Variants in SGCZ observed in about 807,000 individuals in gnomAD.
SGCZ encodes sarcoglycan zeta, also known as zeta-sarcoglycan.
A neutral mutation model predicts 41.3 loss-of-function variants in SGCZ; 40 were observed. The ratio of observed to expected loss-of-function variants is 0.97; its 90% CI spans 0.75 to 1.26. The LOEUF (loss-of-function observed/expected upper bound fraction) is 1.26, where lower values mean the gene tolerates loss of function less well. Ranked by LOEUF, SGCZ falls within the 50% of genes most tolerant of loss-of-function variation. The pLI is 0.00. For missense variants in SGCZ, 552 were observed against 369.8 expected, an observed-to-expected ratio of 1.49 and a Z score of -4.04; for synonymous variants, 206 against 137.5, an observed-to-expected ratio of 1.50 and a Z score of -3.49.
At position 14,547,926 on chromosome 8, in the gene SGCZ, ATG is replaced by A. The variant is rs527693472; in HGVS notation, c.234+6804_234+6805del. Among the ~76,000 whole-genome samples the A allele has an allele frequency of 8.4e-4, 128 of 152,278 alleles. No homozygotes were observed. The East Asian group carries it at 0.021, about 25-fold the overall frequency. ...AATGCATATTTATTGAGATCTTTTT[ATG>A]TGTCTAGGATTGTTTTATGCTCAAC... On this transcript the variant is annotated intron_variant, in intron 2 of 7. Transcript: ENST00000382080.
intron 1 of SGCZ, among the ~76,000 whole-genome samples, chr8:14,946,192 T>C (rs796541842): frequency 6.6e-6 from 1 of 150,742 alleles, no homozygotes; most frequent in African/African-American, 2.4e-5. Context: ...GTCACTCTCA[T>C]GGTGAGTATA....
At chr8:15,151,773 T>C (rs1001171267) in intron 1 of SGCZ, among the ~76,000 whole-genome samples, 2 of 152,220 alleles carry the variant, frequency 1.3e-5, no homozygotes, top group African/African-American at 2.4e-5. Context: ...TGAATAAATA[T>C]ATTGAATTAA....
rs1168778028 is a variant in SGCZ, at chr8:14,282,847, C to CTTTTTTTTTTTT, written c.336+41244_336+41255dup. Among the ~76,000 whole-genome samples the CTTTTTTTTTTTT allele has an allele frequency of 2.6e-4, 23 of 89,912 alleles. 1 individual carries two copies. Among genetic ancestry groups the CTTTTTTTTTTTT allele is most frequent in the Non-Finnish European group, 3.6e-4 (18 of 50,596 alleles). The allele number at this position is 89,912 out of a possible 152,430, so 59.0% of individuals were successfully genotyped here. A position where few individuals can be genotyped will look rare whatever the true frequency, so the allele number is the denominator to read the frequency against. On this transcript the variant is annotated intron_variant, in intron 3 of 7. Transcript: ENST00000382080. ...CATTATAATCATTCTCTTTCAAATA[C>CTTTTTTTTTTTT]TTTTTTTTTTTTTTTTTTTTGAGAC...
intron 1 of SGCZ, among the ~76,000 whole-genome samples, chr8:14,850,495 G>A (rs966967562): frequency 6.6e-6 from 1 of 152,166 alleles, no homozygotes; most frequent in African/African-American, 2.4e-5. Context: ...AGGCTTCATG[G>A]AATAAGAACC....
At chr8:15,071,977 G>T (rs749562891) in intron 1 of SGCZ, among the ~76,000 whole-genome samples, 12 of 152,142 alleles carry the variant, frequency 7.9e-5, no homozygotes, top group African/African-American at 2.9e-4. Flanking sequence ...TCATGACTGG[G>T]AACGACTTGC....
intron 1 of SGCZ, among the ~76,000 whole-genome samples, chr8:14,970,197 C>G (rs144578057): frequency 1.3e-5 from 2 of 152,098 alleles, no homozygotes; most frequent in East Asian, 1.9e-4. Flanking sequence ...GTTTAATAAC[C>G]TGGGTTGTTT....
chr8:15,196,806 C>T (rs533904525), intron 1 of SGCZ, among the ~76,000 whole-genome samples: 2 of 152,264 alleles, frequency 1.3e-5, no homozygotes, highest in African/African-American at 2.4e-5. Flanking sequence ...TGCAGGGTTT[C>T]CTCTTCTGGT....
At chr8:14,240,694 G>T (rs888757757) in intron 3 of SGCZ, among the ~76,000 whole-genome samples, 1 of 152,100 alleles carries the variant, frequency 6.6e-6, no homozygotes, top group African/African-American at 2.4e-5. Flanking sequence ...CCAAAACCAA[G>T]TATCCATTTT....
intron 1 of SGCZ, among the ~76,000 whole-genome samples, chr8:14,842,280 T>C (rs574294338): frequency 7.3e-4 from 110 of 151,396 alleles, no homozygotes; most frequent in African/African-American, 2.6e-3. Context: ...GAAAGAAAAT[T>C]AATCAAAGTG....
At chr8:15,010,315 C>T (rs1585469083) in intron 1 of SGCZ, among the ~76,000 whole-genome samples, 1 of 152,126 alleles carries the variant, frequency 6.6e-6, no homozygotes, top group African/African-American at 2.4e-5. Flanking sequence ...TTATTAGTTT[C>T]TGCAATTTTA....
intron 1 of SGCZ, among the ~76,000 whole-genome samples, chr8:15,070,197 A>G (rs1476500112): frequency 6.6e-6 from 1 of 152,176 alleles, no homozygotes; most frequent in East Asian, 1.9e-4. Flanking sequence ...TCCTCTGATC[A>G]TCATAATTAG....
At chr8:14,373,481 A>G (rs1803986334) in intron 2 of SGCZ, among the ~76,000 whole-genome samples, 1 of 152,240 alleles carries the variant, frequency 6.6e-6, no homozygotes, top group Non-Finnish European at 1.5e-5. Flanking sequence ...CAATAAAAAT[A>G]AGTGAGCTCT....
intron 1 of SGCZ, among the ~76,000 whole-genome samples, chr8:14,821,621 T>G (rs1802088513): frequency 6.6e-6 from 1 of 152,082 alleles, no homozygotes; most frequent in Admixed American, 6.5e-5. Flanking sequence ...GGCACTATGA[T>G]CAGGCGAACC....
intron 2 of SGCZ, among the ~76,000 whole-genome samples, chr8:14,519,298 G>A (rs1461978576): frequency 3.9e-5 from 6 of 151,910 alleles, no homozygotes; most frequent in African/African-American, 1.5e-4. Context: ...CTCCTTCCTG[G>A]ATCTATTTTC....
chr8:14,669,693 TACACACACACAC>T (rs35602830), intron 1 of SGCZ, among the ~76,000 whole-genome samples: 208 of 147,664 alleles, frequency 1.4e-3, no homozygotes, highest in African/African-American at 3.8e-3. Flanking sequence ...ATTTTGTGTA[TACACACACACAC>T]ACACACACAC....
At chr8:14,104,804 T>TAATA (rs1439570885) in intron 6 of SGCZ, among the ~76,000 whole-genome samples, 1 of 152,110 alleles carries the variant, frequency 6.6e-6, no homozygotes, top group African/African-American at 2.4e-5. Context: ...CTGCAAACCT[T>TAATA]AATATTTCTG....
chr8:15,025,920 CAT>C (rs751983678), intron 1 of SGCZ, among the ~76,000 whole-genome samples: 111 of 152,184 alleles, frequency 7.3e-4, no homozygotes, highest in African/African-American at 2.6e-3. Context: ...ATTCCTGTAG[CAT>C]ATATAAACTT....
intron 1 of SGCZ, among the ~76,000 whole-genome samples, chr8:14,599,596 T>C (rs891379555): frequency 1.3e-5 from 2 of 152,168 alleles, no homozygotes; most frequent in Non-Finnish European, 2.9e-5. Flanking sequence ...GGGAGAAAAC[T>C]GAATAAGGCT....
chr8:14,746,273 T>C (rs1020207147), intron 1 of SGCZ, among the ~76,000 whole-genome samples: 1 of 152,140 alleles, frequency 6.6e-6, no homozygotes, highest in Non-Finnish European at 1.5e-5. Context: ...AAAAATTTTA[T>C]ACACAAGATT....
Sources: gnomAD v4.1 joint callset for allele counts (sites outside exome capture counted in the v4.1 genomes callset) on GRCh38, gnomAD v4.1.1 for gene constraint, MANE v1.5 for transcripts, NCBI Gene and HGNC (gene_info 2026-07-23, HGNC 2026-07-21) for gene names.